The following MTHFS variants were observed in gnomAD, a reference collection of about 807,000 sequenced individuals.
The protein encoded by MTHFS is methenyltetrahydrofolate synthetase.
A neutral mutation model predicts 12.7 loss-of-function variants in MTHFS; 7 were observed. That is an observed-to-expected ratio of 0.55 (90% confidence interval 0.31 to 1.03). The LOEUF (loss-of-function observed/expected upper bound fraction) is 1.03. Among genes scored for constraint, MTHFS ranks in the 50% least tolerant of loss-of-function variants. The pLI is 0.05. For synonymous variants in MTHFS, 100 were observed against 97.1 expected (o/e 1.03, Z -0.18); for missense variants, 252 against 258.1 (o/e 0.98, Z 0.16).
rs973428197 is a variant in MTHFS, at chr15:79,844,431, G to A, written c.*779C>T. The A allele has an allele frequency of 6.6e-6, 1 of 152,272 alleles. No homozygotes were observed. The highest frequency in any genetic ancestry group is 1.5e-5 in the Non-Finnish European group (1 of 68,006). The allele number at this position is 152,272 out of a possible 1,614,324, so 9.4% of individuals were successfully genotyped here. On this transcript the variant is annotated 3_prime_UTR_variant, in exon 3 of 3. Transcript: ENST00000258874. ...TGAGTAAGAGAGCCACGTGACTCCC[G>A]GGTTTCTGGAGATGACCAAATCCTC...
Position 79,844,642 on chromosome 15 carries a change from T to C in MTHFS, c.*568A>G, listed in dbSNP as rs1241331630. Among the ~76,000 whole-genome samples the C allele has an allele frequency of 2.0e-5, 3 of 151,950 alleles. No homozygotes were observed. The highest frequency in any genetic ancestry group is 7.3e-5 in the African/African-American group (3 of 41,346). ...TGGTAACCAATCAGTGGAGTAAAAGTATTTAAATCATAAAAGGTTTCCCTC... is the reference window on the plus strand; with the variant it reads ...TGGTAACCAATCAGTGGAGTAAAAGCATTTAAATCATAAAAGGTTTCCCTC... On this transcript the variant is annotated 3_prime_UTR_variant, in exon 3 of 3. Transcript: ENST00000258874.
intron 2 of MTHFS, among the ~76,000 whole-genome samples, chr15:79,864,701 T>C (rs984088417): frequency 1.3e-5 from 2 of 152,064 alleles, no homozygotes; most frequent in African/African-American, 4.8e-5. Flanking sequence ...TATGACAAGT[T>C]AGTACCCCCT....
chr15:79,861,978 C>T (rs1490232775), intron 2 of MTHFS, among the ~76,000 whole-genome samples: 1 of 152,012 alleles, frequency 6.6e-6, no homozygotes, highest in Non-Finnish European at 1.5e-5. Context: ...TCTTTCATAC[C>T]CTTCTAAACC....
chr15:79,865,588 T>C (rs1422114549), intron 2 of MTHFS, among the ~76,000 whole-genome samples: 1 of 152,162 alleles, frequency 6.6e-6, no homozygotes, highest in Non-Finnish European at 1.5e-5. Flanking sequence ...TCTTGACCCT[T>C]CTTGGGCCTC....
chr15:79,874,336 G>T (rs564401569), intron 2 of MTHFS, among the ~76,000 whole-genome samples: 18 of 152,156 alleles, frequency 1.2e-4, no homozygotes, highest in Non-Finnish European at 1.6e-4. Context: ...CCTCTCCCCA[G>T]CTTCATGGTA....
chr15:79,876,611 T>TC (rs2034199420), intron 2 of MTHFS: 1 of 81,752 alleles, frequency 1.2e-5, no homozygotes, highest in Non-Finnish European at 2.3e-5. Context: ...TGAGACTCCA[T>TC]CCCAAAAAAA....
At chr15:79,896,195 T>C (rs1435001383) in intron 1 of MTHFS, among the ~76,000 whole-genome samples, 2 of 152,230 alleles carry the variant, frequency 1.3e-5, no homozygotes, top group South Asian at 2.1e-4. Flanking sequence ...CTGGATATGA[T>C]AGCCAAGTCT....
chr15:79,852,206 C>T (rs2141342974), intron 2 of MTHFS, among the ~76,000 whole-genome samples: 1 of 152,216 alleles, frequency 6.6e-6, no homozygotes, highest in African/African-American at 2.4e-5. Context: ...AAATCAATAC[C>T]ATATGTTTTG....
At chr15:79,872,090 C>G (rs967733590) in intron 2 of MTHFS, among the ~76,000 whole-genome samples, 2 of 101,456 alleles carry the variant, frequency 2.0e-5, no homozygotes, top group African/African-American at 8.0e-5. Flanking sequence ...GGCGACAGAG[C>G]AAGACTCCGT....
chr15:79,879,048 T>G (rs2034250074), intron 2 of MTHFS, among the ~76,000 whole-genome samples: 1 of 152,110 alleles, frequency 6.6e-6, no homozygotes, highest in African/African-American at 2.4e-5. Context: ...AAAAACAATT[T>G]AATACATAGC....
rs1261378101 is a variant in MTHFS at position 79,844,910 on chromosome 15, T to A, written c.*300A>T. The A allele has an allele frequency of 7.8e-6, 3 of 383,216 alleles. No individual in the cohort carries two copies. Among genetic ancestry groups the A allele is most frequent in the African/African-American group, 4.1e-5 (2 of 48,410 alleles). The allele number at this position is 383,216 out of a possible 1,614,324, so 23.7% of individuals were successfully genotyped here. ...CTCTCGCACTCAGTCGGAGCACAGTTCCTCATAAATATTTAACTTAAATTG... is the reference window on the plus strand; with the variant it reads ...CTCTCGCACTCAGTCGGAGCACAGTACCTCATAAATATTTAACTTAAATTG... On this transcript the variant is annotated 3_prime_UTR_variant, in exon 3 of 3. Coordinates refer to ENST00000258874, the MANE Select transcript of MTHFS (RefSeq NM_006441.4).
At chr15:79,859,903 A>C (rs1341510761) in intron 2 of MTHFS, among the ~76,000 whole-genome samples, 1 of 151,984 alleles carries the variant, frequency 6.6e-6, no homozygotes, top group Non-Finnish European at 1.5e-5. Context: ...TTAAGACTTT[A>C]ATATTTAAAA....
At chr15:79,856,974 T>C (rs2033817900) in intron 2 of MTHFS, among the ~76,000 whole-genome samples, 1 of 146,896 alleles carries the variant, frequency 6.8e-6, no homozygotes, top group African/African-American at 2.5e-5. Flanking sequence ...TCTCAGTTTT[T>C]AGAAGATGAG....
chr15:79,844,636 TA>T lies in MTHFS; in HGVS notation c.*573del, dbSNP rs1474610556. ...CAGTGATGGTAACCAATCAGTGGAG[TA>T]AAAGTATTTAAATCATAAAAGGTTT... On this transcript the variant is annotated 3_prime_UTR_variant, in exon 3 of 3. Coordinates refer to ENST00000258874, the MANE Select transcript of MTHFS (RefSeq NM_006441.4). Among the ~76,000 whole-genome samples the T allele has an allele frequency of 6.6e-6, 1 of 150,824 alleles. No individual in the cohort carries two copies. Among genetic ancestry groups the T allele is most frequent in the Admixed American group, 6.7e-5 (1 of 15,000 alleles).
At position 79,896,888 on chromosome 15, in the gene MTHFS, C is replaced by T. The variant is rs200058464; in HGVS notation, c.101G>A (p.Arg34His). 3.9e-6 allele frequency: 6 copies of T among 1,542,794 alleles called. No individual in the cohort carries two copies. The Admixed American group carries it at 7.9e-5, about 20-fold the overall frequency. The change falls in exon 1 of 3, where the codon CGC (arginine) becomes CAC (histidine). Residue 34 changes from arginine (R) to histidine (H), a missense_variant. Coordinates refer to ENST00000258874, the MANE Select transcript of MTHFS (RefSeq NM_006441.4). ...GCCTCGCACCTTCTGGCTCAGTACGCGGGACTGGCGTAGCCGCTCCTCGGC... is the reference window on the plus strand; with the variant it reads ...GCCTCGCACCTTCTGGCTCAGTACGTGGGACTGGCGTAGCCGCTCCTCGGC... ...MSAEERLRQS[R>H]VLSQKVIAHS...
At chr15:79,890,207 CTTTTTTTTTTTTTTT>C (rs71150999) in intron 1 of MTHFS, among the ~76,000 whole-genome samples, 39 of 100,734 alleles carry the variant, frequency 3.9e-4, no homozygotes, top group Middle Eastern at 6.1e-3. Flanking sequence ...CTCTTTTTTC[CTTTTTTTTTTTTTTT>C]TTTTTTTTTT....
chr15:79,885,320 T>C (rs1863990898), intron 2 of MTHFS, among the ~76,000 whole-genome samples: 1 of 152,186 alleles, frequency 6.6e-6, no homozygotes, highest in Admixed American at 6.5e-5. Flanking sequence ...TAGATATTAA[T>C]TCCCAAAAAG....
intron 2 of MTHFS, among the ~76,000 whole-genome samples, chr15:79,888,289 G>A (rs2034414121): frequency 6.6e-6 from 1 of 152,142 alleles, no homozygotes; most frequent in South Asian, 2.1e-4. Flanking sequence ...GGAGTAGAAA[G>A]ATGTGAAAAT....
At chr15:79,874,843 A>C (rs2034162676) in intron 2 of MTHFS, among the ~76,000 whole-genome samples, 1 of 152,102 alleles carries the variant, frequency 6.6e-6, no homozygotes, top group South Asian at 2.1e-4. Context: ...CCCGGCTCTC[A>C]GGCAGTCAGA....
Sources: allele counts gnomAD v4.1 joint callset (sites outside exome capture counted in the v4.1 genomes callset), GRCh38; gene constraint gnomAD v4.1.1; transcripts MANE v1.5; gene names NCBI Gene and HGNC (gene_info 2026-07-23, HGNC 2026-07-21).